Variants in BEND2 observed in about 807,000 individuals in gnomAD.
The protein encoded by BEND2 is BEN domain containing 2.
Under a neutral mutation model 43.8 loss-of-function variants are expected in BEND2, and 19 were observed. The ratio of observed to expected loss-of-function variants is 0.43; its 90% confidence interval spans 0.30 to 0.64. The LOEUF (loss-of-function observed/expected upper bound fraction) is 0.64. Among genes scored for constraint, BEND2 ranks in the 30% least tolerant of loss-of-function variants. The probability of loss-of-function intolerance (pLI) is 0.11; values close to 1 mark genes in which losing one functional copy is unlikely to be tolerated. For synonymous variants in BEND2, 226 were observed against 210.1 expected, an observed-to-expected ratio of 1.08 and a Z score of -0.66; for missense variants, 544 against 574.0, an observed-to-expected ratio of 0.95 and a Z score of 0.53.
chrX:18,170,985 T>C lies in BEND2; in HGVS notation c.2185+16A>G, dbSNP rs981149764. On this transcript the variant is annotated intron_variant, in intron 13 of 13. Coordinates refer to ENST00000380033, the MANE Select transcript of BEND2 (RefSeq NM_153346.5). The stretch of plus-strand genomic sequence containing the variant: ...TTGGCTTTTATTTATTCAGACATAC[T>C]CTATGTGTAACAAACCTCGGAGAGC... 1.2e-5 allele frequency: 15 copies of C among 1,207,392 alleles called. No homozygotes were observed. The highest frequency in any genetic ancestry group is 1.7e-5 in the Non-Finnish European group (15 of 892,071).
At position 18,220,807 on chromosome X, in the gene BEND2, C is replaced by T; in HGVS notation, c.-57G>A. 1 of 1,134,800 alleles carries T rather than the reference C, an allele frequency of 8.8e-7. No individual in the cohort carries two copies. Among genetic ancestry groups the T allele is most frequent in the South Asian group, 1.9e-5 (1 of 52,101 alleles). The allele number at this position is 1,134,800 out of a possible 1,213,427, so 93.5% of individuals were successfully genotyped here. ...GAGACCTGAGGCCCGAGACCTGAGG[C>T]CTACGTCTGCGCCGCGGCTCTGAGG... On this transcript the variant is annotated 5_prime_UTR_variant, in exon 1 of 14. Transcript: ENST00000380033.
Position 18,197,813 on chromosome X carries a change from C to A in BEND2, c.1034-2371G>T, listed in dbSNP as rs187515658. On this transcript the variant is annotated intron_variant, in intron 6 of 13. Coordinates refer to ENST00000380033, the MANE Select transcript of BEND2 (RefSeq NM_153346.5). ...CTTGAATTGTATCTCCCAGAATTCC[C>A]GCATGTTGTGGGAGGGACCTAGGGG... 6.4e-3 allele frequency among the ~76,000 whole-genome samples: 714 copies of A among 111,487 alleles called. 5 individuals are homozygous for A. Among genetic ancestry groups the A allele is most frequent in the African/African-American group, 0.022 (689 of 30,660 alleles).
At chrX:18,182,355 T>C (rs772861881) in intron 8 of BEND2, among the ~76,000 whole-genome samples, 5 of 111,624 alleles carry the variant, frequency 4.5e-5, no homozygotes, top group Non-Finnish European at 7.5e-5. Context: ...CTCCCAGTCA[T>C]GCTTCCTGTT....
chrX:18,180,773 C>T, intron 8 of BEND2, 123 bp from the exon 9 acceptor site: 2 of 401,391 alleles, frequency 5.0e-6, no homozygotes, highest in Non-Finnish European at 4.1e-6. Context: ...CAGACCTACT[C>T]TTTTTTTTTT....
At chrX:18,210,821 G>A (rs1925479769) in intron 4 of BEND2, among the ~76,000 whole-genome samples, 1 of 111,593 alleles carries the variant, frequency 9.0e-6, no homozygotes, top group South Asian at 3.7e-4. Flanking sequence ...TTATATTTCT[G>A]TATAATTATT....
At chrX:18,185,573 AATAAC>A (rs1275939073) in intron 8 of BEND2, among the ~76,000 whole-genome samples, 2 of 95,596 alleles carry the variant, frequency 2.1e-5, no homozygotes, top group Non-Finnish European at 4.2e-5. Flanking sequence ...TAATAATAAT[AATAAC>A]AGACAACTTT....
At chrX:18,200,683 C>A (rs1187440595) in intron 6 of BEND2, among the ~76,000 whole-genome samples, 2 of 110,372 alleles carry the variant, frequency 1.8e-5, no homozygotes, top group African/African-American at 6.6e-5. Context: ...GAGAACAGAT[C>A]AGTAGTTACC....
At chrX:18,180,733 C>A in intron 8 of BEND2, 83 bp from the exon 9 acceptor site, 1 of 675,772 alleles carries the variant, frequency 1.5e-6, no homozygotes, top group Non-Finnish European at 2.2e-6. Flanking sequence ...CACTCTCAGA[C>A]AAAAGAAAAC....
At chrX:18,178,016 G>C (rs780768712) in intron 9 of BEND2, among the ~76,000 whole-genome samples, 7 of 110,907 alleles carry the variant, frequency 6.3e-5, no homozygotes. Context: ...ACTTCTACTG[G>C]TCTTGAGCTT....
At chrX:18,175,400 T>C (rs1466483861) in intron 11 of BEND2, among the ~76,000 whole-genome samples, 1 of 112,294 alleles carries the variant, frequency 8.9e-6, no homozygotes, top group African/African-American at 3.2e-5. Flanking sequence ...AATGGCCCGG[T>C]TGTGGTAAAA....
chrX:18,197,506 C>T (rs1021253111), intron 6 of BEND2, among the ~76,000 whole-genome samples: 3 of 111,530 alleles, frequency 2.7e-5, no homozygotes, highest in Admixed American at 9.5e-5. Context: ...TTGATCGATC[C>T]GGATTCAATA....
intron 1 of BEND2, 134 bp downstream of exon 1, chrX:18,220,592 G>T: frequency 1.1e-6 from 1 of 938,467 alleles, no homozygotes; most frequent in Non-Finnish European, 1.5e-6. Context: ...CCCAGAGGCC[G>T]CCCCCCGACA....
At chrX:18,201,983 AC>A in intron 5 of BEND2, 43 bp from the exon 6 acceptor site, 1 of 1,156,309 alleles carries the variant, frequency 8.6e-7, no homozygotes, top group Non-Finnish European at 1.2e-6. Flanking sequence ...CAAGAACTTC[AC>A]CCACAAATTC....
chrX:18,194,634 A>G (rs185382387), intron 7 of BEND2, among the ~76,000 whole-genome samples: 89 of 112,278 alleles, frequency 7.9e-4, no homozygotes, highest in African/African-American at 2.8e-3. Context: ...AAAACATAGT[A>G]TATCCAGACA....
chrX:18,213,772 A>AAATC lies in BEND2; in HGVS notation c.376+1_376+2insGATT. ...ACTAAAAATAAAAATAAAAATAAAT[A>AAATC]CCTGGGCATGGTGGCGTGCGCCTGT... On this transcript the variant is annotated splice_donor_variant, in intron 3 of 13. Coordinates refer to ENST00000380033, the MANE Select transcript of BEND2 (RefSeq NM_153346.5). LOFTEE classifies it high-confidence loss of function. 1 of 160,646 alleles carries AAATC rather than the reference A, an allele frequency of 6.2e-6. No homozygotes were observed. The highest frequency in any genetic ancestry group is 1.2e-5 in the Non-Finnish European group (1 of 84,114). The allele number at this position is 160,646 out of a possible 1,213,427, so 13.2% of individuals were successfully genotyped here.
At chrX:18,205,503 G>A (rs1312920522) in intron 4 of BEND2, among the ~76,000 whole-genome samples, 1 of 105,880 alleles carries the variant, frequency 9.4e-6, no homozygotes, top group Non-Finnish European at 1.9e-5. Context: ...ATACTTGGGA[G>A]CCTGAGGTGG....
chrX:18,174,697 C>T (rs1366552890), intron 11 of BEND2, among the ~76,000 whole-genome samples: 2 of 111,602 alleles, frequency 1.8e-5, no homozygotes, highest in Non-Finnish European at 3.8e-5. Flanking sequence ...TGCTGGGCCC[C>T]ACCCTAGGCA....
intron 1 of BEND2, among the ~76,000 whole-genome samples, chrX:18,220,294 G>C (rs1925826386): frequency 8.9e-6 from 1 of 112,355 alleles, no homozygotes; most frequent in African/African-American, 3.2e-5. Flanking sequence ...TGTATCGCCG[G>C]AGCCCGGCGT....
intron 12 of BEND2, among the ~76,000 whole-genome samples, chrX:18,171,676 A>G (rs1249348019): frequency 8.9e-6 from 1 of 112,066 alleles, no homozygotes; most frequent in Non-Finnish European, 1.9e-5. Context: ...ATTATGAGAC[A>G]GCATGAGAAA....
Sources: allele counts gnomAD v4.1 joint callset (sites outside exome capture counted in the v4.1 genomes callset), GRCh38; gene constraint gnomAD v4.1.1; transcripts MANE v1.5; gene names NCBI Gene and HGNC (gene_info 2026-07-23, HGNC 2026-07-21).